MAP4: variants seen among roughly 807,000 people sequenced by gnomAD.
The protein encoded by MAP4 is microtubule associated protein 4.
A neutral mutation model predicts 170.2 loss-of-function variants in MAP4; 76 were observed. That is an observed-to-expected ratio of 0.45 (90% confidence interval 0.37 to 0.54). MAP4 has a LOEUF of 0.54. MAP4 is among the 20% of genes least tolerant of loss of function. The probability of loss-of-function intolerance (pLI) is 0.00; values close to 1 mark genes in which losing one functional copy is unlikely to be tolerated. For missense variants in MAP4, 2,506 were observed against 2,748.0 expected (o/e 0.91, Z 1.97); for synonymous variants, 909 against 994.5 (o/e 0.91, Z 1.62).
At chr3:48,087,810 G>A (rs1559930375) in intron 1 of MAP4, among the ~76,000 whole-genome samples, 1 of 151,400 alleles carries the variant, frequency 6.6e-6, no homozygotes, top group African/African-American at 2.4e-5. Flanking sequence ...ATGCAACCAG[G>A]GAGAGAGAAT....
At chr3:47,873,418 A>C (rs1354631801) in intron 12 of MAP4, among the ~76,000 whole-genome samples, 1 of 152,242 alleles carries the variant, frequency 6.6e-6, no homozygotes, top group Non-Finnish European at 1.5e-5. Flanking sequence ...CAGTGGGCTC[A>C]GCTCTCTTCC....
chr3:48,030,485 TA>T (rs58814432), intron 1 of MAP4, among the ~76,000 whole-genome samples: 355 of 145,978 alleles, frequency 2.4e-3, no homozygotes, highest in East Asian at 6.3e-3. Context: ...AAAATAAAAA[TA>T]AAAAAAAAAA....
At chr3:47,991,728 C>T (rs1387640101) in intron 2 of MAP4, among the ~76,000 whole-genome samples, 2 of 151,640 alleles carry the variant, frequency 1.3e-5, no homozygotes, top group Non-Finnish European at 2.9e-5. Context: ...GCAACAATGG[C>T]ACGATCTCGG....
At chr3:48,075,974 C>CA (rs60556044) in intron 1 of MAP4, among the ~76,000 whole-genome samples, 3,656 of 47,032 alleles carry the variant, frequency 0.078, 96 homozygotes, top group Non-Finnish European at 0.11. Context: ...AACTCCATCT[C>CA]AAAAAAAAAA....
Position 47,862,538 on chromosome 3 carries a change from C to T in MAP4, c.6501+4708G>A, listed in dbSNP as rs554397773. ...TGTCACCCAGGCTGGAGTGCAGTGG[C>T]GTGATCTTGCCTCACTGCAACCTCT... is the stretch of plus-strand genomic sequence containing the variant. On this transcript the variant is annotated intron_variant, in intron 17 of 20. Coordinates refer to ENST00000683076, the MANE Select transcript of MAP4 (RefSeq NM_001385682.1). 7.2e-5 allele frequency among the ~76,000 whole-genome samples: 11 copies of T among 151,894 alleles called. No homozygotes were observed. The East Asian group carries it at 1.4e-3, about 19-fold the overall frequency.
chr3:48,042,564 C>T (rs1046270483), intron 1 of MAP4, among the ~76,000 whole-genome samples: 1 of 151,994 alleles, frequency 6.6e-6, no homozygotes, highest in Admixed American at 6.6e-5. Context: ...CAATGAGATC[C>T]TACACCCAGT....
At chr3:47,983,481 G>A (rs1559699118) in intron 2 of MAP4, among the ~76,000 whole-genome samples, 1 of 152,130 alleles carries the variant, frequency 6.6e-6, no homozygotes, top group Non-Finnish European at 1.5e-5. Context: ...CTGCCTCCCA[G>A]GTTCAAGCGA....
intron 1 of MAP4, among the ~76,000 whole-genome samples, chr3:48,087,613 C>T (rs982127824): frequency 2.6e-5 from 4 of 152,138 alleles, no homozygotes; most frequent in African/African-American, 9.7e-5. Flanking sequence ...ACAAATATCC[C>T]CTGATGCAAT....
At chr3:48,044,707 G>A (rs1426252621) in intron 1 of MAP4, among the ~76,000 whole-genome samples, 1 of 152,022 alleles carries the variant, frequency 6.6e-6, no homozygotes, top group Non-Finnish European at 1.5e-5. Flanking sequence ...TCACTACAGA[G>A]GTTGCGTGAG....
intron 1 of MAP4, among the ~76,000 whole-genome samples, chr3:48,071,891 T>C (rs1461960266): frequency 1.3e-5 from 2 of 148,496 alleles, no homozygotes; most frequent in East Asian, 4.0e-4. Context: ...GCAACAGAGT[T>C]AGACTTGGTC....
At chr3:47,975,877 C>A (rs1290073097) in intron 3 of MAP4, among the ~76,000 whole-genome samples, 1 of 151,826 alleles carries the variant, frequency 6.6e-6, no homozygotes, top group African/African-American at 2.4e-5. Flanking sequence ...GAAACCTCCG[C>A]CTCCTGGGTT....
At chr3:48,084,657 C>T (rs759281443) in intron 1 of MAP4, among the ~76,000 whole-genome samples, 1 of 151,276 alleles carries the variant, frequency 6.6e-6, no homozygotes, top group Non-Finnish European at 1.5e-5. Context: ...ATCACTGGAG[C>T]CTTGAACTCC....
intron 17 of MAP4, among the ~76,000 whole-genome samples, chr3:47,863,406 C>A (rs1344824444): frequency 6.6e-6 from 1 of 152,172 alleles, no homozygotes; most frequent in Non-Finnish European, 1.5e-5. Context: ...ACGATTCCCC[C>A]ACACCACCCT....
intron 10 of MAP4, among the ~76,000 whole-genome samples, chr3:47,888,017 C>T (rs189278371): frequency 6.6e-6 from 1 of 151,806 alleles, no homozygotes; most frequent in East Asian, 1.9e-4. Context: ...CCAATCAGCA[C>T]CCTGTGTTTA....
chr3:47,898,463 C>T, intron 10 of MAP4, among the ~76,000 whole-genome samples: 1 of 151,008 alleles, frequency 6.6e-6, no homozygotes. Flanking sequence ...GATCGCGCCA[C>T]TGCACTCCAG....
chr3:48,068,985 C>A (rs2100139725), intron 1 of MAP4, among the ~76,000 whole-genome samples: 1 of 152,134 alleles, frequency 6.6e-6, no homozygotes, highest in African/African-American at 2.4e-5. Context: ...ACAGCACTTA[C>A]CACAGTGTAT....
chr3:47,975,361 C>T, intron 3 of MAP4: 2 of 1,549,364 alleles, frequency 1.3e-6, no homozygotes, highest in Non-Finnish European at 1.7e-6. Flanking sequence ...GAATGAAAAG[C>T]AAAGCTCTGC....
intron 3 of MAP4, among the ~76,000 whole-genome samples, chr3:47,943,578 A>T (rs940641028): frequency 2.7e-5 from 4 of 149,580 alleles, no homozygotes; most frequent in Admixed American, 6.6e-5. Flanking sequence ...ACTGCATTCC[A>T]GCCTAGGTGA....
intron 4 of MAP4, among the ~76,000 whole-genome samples, chr3:47,925,288 C>T (rs1311156523): frequency 6.6e-6 from 1 of 152,196 alleles, no homozygotes; most frequent in Non-Finnish European, 1.5e-5. Flanking sequence ...CCACACTCAA[C>T]TTTCCGCTGA....
Sources: gnomAD v4.1 joint callset for allele counts (sites outside exome capture counted in the v4.1 genomes callset) on GRCh38, gnomAD v4.1.1 for gene constraint, MANE v1.5 for transcripts, NCBI Gene and HGNC (gene_info 2026-07-23, HGNC 2026-07-21) for gene names.